DPP10: variants seen among roughly 807,000 people sequenced by gnomAD.
DPP10 encodes dipeptidyl peptidase like 10, also known as inactive dipeptidyl peptidase 10.
A neutral mutation model predicts 120.9 loss-of-function variants in DPP10; 33 were observed. The ratio of observed to expected loss-of-function variants is 0.27; its 90% CI spans 0.21 to 0.37. DPP10 has a LOEUF of 0.37. Ranked by LOEUF, DPP10 falls within the 10% of genes least tolerant of loss-of-function variation. The pLI, the probability that DPP10 is intolerant of heterozygous loss-of-function variation, is 1.00. For synonymous variants in DPP10, 337 were observed against 326.1 expected, an observed-to-expected ratio of 1.03 and a Z score of -0.36; for missense variants, 816 against 942.8, an observed-to-expected ratio of 0.87 and a Z score of 1.76.
At chr2:115,408,051 CTT>C (rs1157490823) in intron 3 of DPP10, among the ~76,000 whole-genome samples, 1 of 151,964 alleles carries the variant, frequency 6.6e-6, no homozygotes, top group African/African-American at 2.4e-5. Flanking sequence ...AAGCATTCCT[CTT>C]TCTTTCCCCC....
intron 1 of DPP10, among the ~76,000 whole-genome samples, chr2:115,182,131 T>C (rs1415461343): frequency 1.3e-5 from 2 of 152,224 alleles, no homozygotes; most frequent in Admixed American, 1.3e-4. Flanking sequence ...ATAAATCTAA[T>C]GTACCGCTTG....
intron 3 of DPP10, among the ~76,000 whole-genome samples, chr2:115,387,539 C>G (rs908749916): frequency 6.6e-6 from 1 of 152,072 alleles, no homozygotes; most frequent in African/African-American, 2.4e-5. Flanking sequence ...TCCTACAATT[C>G]TGTTTATAAT....
intron 1 of DPP10, among the ~76,000 whole-genome samples, chr2:114,704,817 A>G (rs2105834345): frequency 6.6e-6 from 1 of 152,246 alleles, no homozygotes; most frequent in African/African-American, 2.4e-5. Context: ...TTGAATTTGG[A>G]GATAGGGTCT....
intron 3 of DPP10, among the ~76,000 whole-genome samples, chr2:115,349,879 C>A (rs1291250681): frequency 1.3e-5 from 2 of 152,046 alleles, no homozygotes; most frequent in African/African-American, 2.4e-5. Context: ...CCAAAGACAT[C>A]ATTACCCTCC....
At chr2:115,327,262 A>G (rs190482764) in intron 2 of DPP10, among the ~76,000 whole-genome samples, 29 of 152,148 alleles carry the variant, frequency 1.9e-4, no homozygotes, top group African/African-American at 6.7e-4. Context: ...TTGTGTAAGT[A>G]CATTCTACGA....
At chr2:115,456,462 A>G (rs1017283500) in intron 3 of DPP10, among the ~76,000 whole-genome samples, 3 of 152,220 alleles carry the variant, frequency 2.0e-5, no homozygotes, top group South Asian at 2.1e-4. Flanking sequence ...ATTATTGGGT[A>G]TATACCCAAA....
chr2:115,750,734 G>A (rs888922120), intron 10 of DPP10, among the ~76,000 whole-genome samples: 8 of 152,042 alleles, frequency 5.3e-5, no homozygotes, highest in Non-Finnish European at 1.2e-4. Flanking sequence ...ATTTGTACTC[G>A]TTGGCTTTTC....
chr2:114,626,312 A>C (rs1235012245), intron 1 of DPP10, among the ~76,000 whole-genome samples: 1 of 152,064 alleles, frequency 6.6e-6, no homozygotes, highest in Non-Finnish European at 1.5e-5. Context: ...ACTGTGCTTT[A>C]TAATCATTTG....
chr2:114,899,653 T>C (rs1693373766), intron 1 of DPP10, among the ~76,000 whole-genome samples: 1 of 148,688 alleles, frequency 6.7e-6, no homozygotes, highest in Admixed American at 6.7e-5. Context: ...TTAAAAATAC[T>C]TCATAAGATT....
intron 1 of DPP10, among the ~76,000 whole-genome samples, chr2:114,474,202 C>T (rs991410707): frequency 6.6e-6 from 1 of 152,216 alleles, no homozygotes; most frequent in Non-Finnish European, 1.5e-5. Context: ...GTGATCCACC[C>T]GCCTTGGCCT....
chr2:115,636,956 C>T (rs2086388318), intron 5 of DPP10, among the ~76,000 whole-genome samples: 1 of 152,064 alleles, frequency 6.6e-6, no homozygotes, highest in Non-Finnish European at 1.5e-5. Context: ...TCAGCAACAG[C>T]CATTAGAAAC....
rs563215650 is a variant in DPP10, at chr2:114,810,533, C to T, written c.60+367695C>T. Among the ~76,000 whole-genome samples, 7 of 152,284 alleles carry T rather than the reference C, an allele frequency of 4.6e-5. No individual in the cohort carries two copies. In the South Asian group the frequency reaches 1.2e-3, roughly 27 times the overall value. The stretch of plus-strand genomic sequence containing the variant: ...CATCATACAATAAGATATTTTAATG[C>T]CACTTGGTTAAGTCTGGAATAATTT... On this transcript the variant is annotated intron_variant, in intron 1 of 25. Coordinates refer to ENST00000410059, the MANE Select transcript of DPP10 (RefSeq NM_020868.6).
intron 3 of DPP10, among the ~76,000 whole-genome samples, chr2:115,375,206 C>T (rs779338620): frequency 1.3e-5 from 2 of 152,218 alleles, no homozygotes; most frequent in African/African-American, 4.8e-5. Context: ...ATCCAGGTCA[C>T]ATCTTGAACG....
At chr2:115,474,499 C>T (rs559867359) in intron 3 of DPP10, among the ~76,000 whole-genome samples, 4 of 152,204 alleles carry the variant, frequency 2.6e-5, no homozygotes, top group African/African-American at 9.6e-5. Flanking sequence ...AACTTGGAGG[C>T]ATTTTGCCCA....
At chr2:115,759,010 C>A (rs1033018575) in intron 11 of DPP10, among the ~76,000 whole-genome samples, 2 of 152,052 alleles carry the variant, frequency 1.3e-5, no homozygotes, top group African/African-American at 4.8e-5. Context: ...CCTTACTATA[C>A]TGAATAAGCC....
chr2:114,529,481 T>A (rs1685777730), intron 1 of DPP10, among the ~76,000 whole-genome samples: 1 of 152,192 alleles, frequency 6.6e-6, no homozygotes, highest in African/African-American at 2.4e-5. Flanking sequence ...AGCTGACTCC[T>A]GTCTGCTTCT....
chr2:115,191,786 G>A (rs866263454), intron 1 of DPP10, among the ~76,000 whole-genome samples: 1 of 152,148 alleles, frequency 6.6e-6, no homozygotes, highest in Non-Finnish European at 1.5e-5. Context: ...GGATGAGGAC[G>A]TGGTCCCCAG....
chr2:115,334,372 G>C (rs1478599858), intron 2 of DPP10, among the ~76,000 whole-genome samples: 2 of 151,346 alleles, frequency 1.3e-5, no homozygotes, highest in Non-Finnish European at 2.9e-5. Context: ...CTGTAAAACA[G>C]ATGTAGTGTA....
intron 5 of DPP10, among the ~76,000 whole-genome samples, chr2:115,581,298 T>C (rs2081989471): frequency 1.3e-5 from 2 of 152,198 alleles, no homozygotes; most frequent in East Asian, 3.9e-4. Flanking sequence ...TTTGCAAATA[T>C]ACTTGCTATT....
Sources: allele counts gnomAD v4.1 joint callset (sites outside exome capture counted in the v4.1 genomes callset), GRCh38; gene constraint gnomAD v4.1.1; transcripts MANE v1.5; gene names NCBI Gene and HGNC (gene_info 2026-07-23, HGNC 2026-07-21).